Variants in ZC3H12B observed in about 807,000 individuals in gnomAD.
The protein encoded by ZC3H12B is zinc finger CCCH-type containing 12B, also known as probable ribonuclease ZC3H12B.
ZC3H12B carries 7 observed loss-of-function variants against 43.9 expected under a neutral mutation model. That is an observed-to-expected ratio of 0.16 (90% confidence interval 0.09 to 0.30). The LOEUF (loss-of-function observed/expected upper bound fraction) is 0.30, where lower values mean the gene tolerates loss of function less well. ZC3H12B is among the 10% of genes least tolerant of loss of function. The pLI is 1.00. For synonymous variants in ZC3H12B, 222 were observed against 241.7 expected, an observed-to-expected ratio of 0.92 and a Z score of 0.76; for missense variants, 475 against 670.2, an observed-to-expected ratio of 0.71 and a Z score of 3.22.
In ZC3H12B at chrX:65,454,436, G is replaced by T. The variant is rs756207698; in HGVS notation, n.408-34210G>T. Among the ~76,000 whole-genome samples, 3 of 112,287 alleles carry T rather than the reference G, an allele frequency of 2.7e-5. No homozygotes were observed. In the South Asian group the frequency reaches 1.1e-3, roughly 42 times the overall value. On this transcript the variant is annotated intron_variant and non_coding_transcript_variant, in intron 3 of 5. Transcript: ENST00000617377. The stretch of plus-strand genomic sequence containing the variant: ...AGGCGGCAGTGAGGCAGGGGGAGGG[G>T]CGCCCACCATTGCCGAGGCTTGAGT...
the ZC3H12B span, among the ~76,000 whole-genome samples, chrX:65,041,376 C>CT: frequency 9.0e-6 from 1 of 111,473 alleles, no homozygotes; most frequent in Non-Finnish European, 1.9e-5. Flanking sequence ...AGCATTGGAG[C>CT]TTTTTTACTG....
chrX:65,327,293 A>G, the ZC3H12B span, among the ~76,000 whole-genome samples: 12 of 111,632 alleles, frequency 1.1e-4, no homozygotes, highest in African/African-American at 3.6e-4. Context: ...GTATCTACAT[A>G]TCGATATATA....
the ZC3H12B span, among the ~76,000 whole-genome samples, chrX:65,306,076 A>G: frequency 8.9e-6 from 1 of 112,527 alleles, no homozygotes; most frequent in Non-Finnish European, 1.9e-5. Context: ...TATCATGATA[A>G]AAATCAAATG....
chrX:65,278,223 C>A, the ZC3H12B span, among the ~76,000 whole-genome samples: 1 of 111,466 alleles, frequency 9.0e-6, no homozygotes, highest in East Asian at 2.8e-4. Flanking sequence ...ATTCAGTGAC[C>A]TCTGGTTGTC....
At chrX:65,295,595 G>T in the ZC3H12B span, among the ~76,000 whole-genome samples, 4 of 110,589 alleles carry the variant, frequency 3.6e-5, no homozygotes, top group South Asian at 1.1e-3. Context: ...AACAAAAAAA[G>T]GACAAAAGAT....
chrX:65,151,880 A>T, the ZC3H12B span, among the ~76,000 whole-genome samples: 1 of 111,816 alleles, frequency 8.9e-6, no homozygotes, highest in Non-Finnish European at 1.9e-5. Flanking sequence ...CAGCTTATCC[A>T]CCATGATCAA....
intron 3 of ZC3H12B, among the ~76,000 whole-genome samples, chrX:65,454,300 C>G (rs138290080): frequency 8.9e-6 from 1 of 112,357 alleles, no homozygotes; most frequent in Non-Finnish European, 1.9e-5. Flanking sequence ...GCTTTTCCGA[C>G]GGTCTTAGCA....
chrX:65,378,234 C>A (rs908274048), intron 2 of ZC3H12B, among the ~76,000 whole-genome samples: 1 of 111,165 alleles, frequency 9.0e-6, no homozygotes, highest in African/African-American at 3.3e-5. Flanking sequence ...TAAAGATGAA[C>A]CAATCAAAAA....
At chrX:65,105,585 G>T in the ZC3H12B span, among the ~76,000 whole-genome samples, 1 of 110,891 alleles carries the variant, frequency 9.0e-6, no homozygotes, top group African/African-American at 3.3e-5. Context: ...TCACTGGTTG[G>T]TAGAGAAATT....
intron 3 of ZC3H12B, among the ~76,000 whole-genome samples, chrX:65,399,994 G>T (rs995708484): frequency 1.5e-4 from 17 of 111,053 alleles, no homozygotes; most frequent in Non-Finnish European, 3.2e-4. Context: ...AAGAACCCAT[G>T]GGAATAGAGA....
chrX:65,073,508 G>A, the ZC3H12B span, among the ~76,000 whole-genome samples: 2 of 112,237 alleles, frequency 1.8e-5, no homozygotes, highest in Non-Finnish European at 3.8e-5. Context: ...AGATTGGACT[G>A]GTTTTGTGTA....
the ZC3H12B span, among the ~76,000 whole-genome samples, chrX:65,052,734 A>T: frequency 2.7e-5 from 3 of 111,628 alleles, no homozygotes; most frequent in African/African-American, 9.8e-5. Flanking sequence ...CAGTGCTGCA[A>T]CCACCATAGA....
intron 3 of ZC3H12B, among the ~76,000 whole-genome samples, chrX:65,422,728 C>G (rs1368356908): frequency 9.1e-6 from 1 of 109,357 alleles, no homozygotes; most frequent in African/African-American, 3.3e-5. Flanking sequence ...TGTTCCCCTC[C>G]CTGTGTCCAT....
At chrX:65,220,510 T>C in the ZC3H12B span, among the ~76,000 whole-genome samples, 1 of 111,997 alleles carries the variant, frequency 8.9e-6, no homozygotes, top group African/African-American at 3.2e-5. Flanking sequence ...GGAAAAGATA[T>C]TTTATGCAAA....
At chrX:65,451,815 G>A (rs2067517847) in intron 3 of ZC3H12B, among the ~76,000 whole-genome samples, 1 of 111,822 alleles carries the variant, frequency 8.9e-6, no homozygotes, top group Admixed American at 9.6e-5. Flanking sequence ...CCTTATTAGT[G>A]AATCTTGCCA....
the ZC3H12B span, among the ~76,000 whole-genome samples, chrX:65,087,550 A>G: frequency 8.9e-6 from 1 of 111,861 alleles, no homozygotes; most frequent in Non-Finnish European, 1.9e-5. Context: ...AAAGGTGGCA[A>G]GGTGAACGGA....
chrX:65,261,780 A>G, the ZC3H12B span, among the ~76,000 whole-genome samples: 3 of 111,281 alleles, frequency 2.7e-5, no homozygotes, highest in Admixed American at 2.9e-4. Flanking sequence ...ATTATAATAC[A>G]TGTAATACCC....
At chrX:65,458,085 T>TAAAAAAAAAAAAAAAAAAAAAAAAA (rs59738258) in intron 3 of ZC3H12B, among the ~76,000 whole-genome samples, 2 of 49,083 alleles carry the variant, frequency 4.1e-5, no homozygotes, top group Non-Finnish European at 7.6e-5. Context: ...AAAAAAAAAT[T>TAAAAAAAAAAAAAAAAAAAAAAAAA]AAAAAAAAAA....
intron 3 of ZC3H12B, among the ~76,000 whole-genome samples, chrX:65,434,519 C>G (rs2067198062): frequency 8.9e-6 from 1 of 112,339 alleles, no homozygotes; most frequent in Admixed American, 9.4e-5. Flanking sequence ...AAAATCACTG[C>G]TAAGTGGGCT....
Sources: gnomAD v4.1 joint callset for allele counts (sites outside exome capture counted in the v4.1 genomes callset) on GRCh38, gnomAD v4.1.1 for gene constraint, MANE v1.5 for transcripts, NCBI Gene and HGNC (gene_info 2026-07-23, HGNC 2026-07-21) for gene names.